MALL: variants seen among roughly 807,000 people sequenced by gnomAD.
The protein encoded by MALL is MAL-like protein.
Under a neutral mutation model 10.3 loss-of-function variants are expected in MALL, and 2 were observed. That is an observed-to-expected ratio of 0.19 (90% CI 0.08 to 0.61). The LOEUF (loss-of-function observed/expected upper bound fraction) is 0.61. Ranked by LOEUF, MALL falls within the 20% of genes least tolerant of loss-of-function variation. The probability of loss-of-function intolerance (pLI) is 0.88; values close to 1 mark genes in which losing one functional copy is unlikely to be tolerated. For missense variants in MALL, 39 were observed against 115.2 expected (o/e 0.34, Z 3.03); for synonymous variants, 27 against 51.8 (o/e 0.52, Z 2.05).
At chr2:110,108,504 A>AT (rs1478244722) in intron 1 of MALL, among the ~76,000 whole-genome samples, 1 of 151,660 alleles carries the variant, frequency 6.6e-6, no homozygotes, top group Admixed American at 6.6e-5. Flanking sequence ...AAAAAAAAAA[A>AT]GAAAATATGA....
intron 1 of MALL, among the ~76,000 whole-genome samples, chr2:110,112,965 G>C (rs916450526): frequency 1.3e-5 from 2 of 151,532 alleles, no homozygotes; most frequent in African/African-American, 4.8e-5. Context: ...CATTCGCACT[G>C]ACCTGGATGA....
intron 1 of MALL, among the ~76,000 whole-genome samples, chr2:110,100,786 G>A (rs1433386326): frequency 6.6e-6 from 1 of 152,128 alleles, no homozygotes; most frequent in Non-Finnish European, 1.5e-5. Flanking sequence ...CCCATCCCAG[G>A]GCCTGAGGGG....
chr2:110,108,135 A>G (rs1262327457), intron 1 of MALL, among the ~76,000 whole-genome samples: 2 of 151,998 alleles, frequency 1.3e-5, no homozygotes, highest in African/African-American at 4.8e-5. Flanking sequence ...GATCTTCAAT[A>G]CCCCCCAAAA....
upstream of MALL, chr2:110,116,018 A>G (rs192031252): frequency 4.4e-3 from 1,696 of 387,536 alleles, 10 homozygotes; most frequent in Non-Finnish European, 5.8e-3. Flanking sequence ...GCGCTGGTGC[A>G]GGAGGGAGCA....
rs747470788 is a variant in MALL, at chr2:110,112,029, C to T, written c.105+3659G>A. On this transcript the variant is annotated intron_variant, in intron 1 of 3. Transcript: ENST00000272462. ...TGGTGCTGGGATAATTGGCTACCCACATGTAGGGGATTGAAACTGGATCCT... is the reference window on the plus strand; with the variant it reads ...TGGTGCTGGGATAATTGGCTACCCATATGTAGGGGATTGAAACTGGATCCT... Among the ~76,000 whole-genome samples, 22 of 152,222 alleles carry T rather than the reference C, an allele frequency of 1.4e-4. 1 individual carries two copies. Among genetic ancestry groups the T allele is most frequent in the Non-Finnish European group, 1.0e-4 (7 of 67,986 alleles).
chr2:110,099,540 ATGC>A (rs1355262943), intron 1 of MALL, among the ~76,000 whole-genome samples: 1 of 152,126 alleles, frequency 6.6e-6, no homozygotes, highest in Admixed American at 6.5e-5. Flanking sequence ...GTTACAAATG[ATGC>A]TGCAGCGAAT....
chr2:110,105,697 T>C (rs1678671992), intron 1 of MALL, among the ~76,000 whole-genome samples: 1 of 152,176 alleles, frequency 6.6e-6, no homozygotes, highest in Non-Finnish European at 1.5e-5. Context: ...GGGAGATGAT[T>C]TCTCCTCCTG....
chr2:110,114,855 C>T (rs77237756), intron 1 of MALL, among the ~76,000 whole-genome samples: 2,612 of 152,116 alleles, frequency 0.017, 51 homozygotes, highest in Non-Finnish European at 0.024. Context: ...AGAAAACACT[C>T]CTTTGCCTTG....
chr2:110,102,494 GTC>G (rs1439976860), intron 1 of MALL, among the ~76,000 whole-genome samples: 1 of 152,188 alleles, frequency 6.6e-6, no homozygotes, highest in Non-Finnish European at 1.5e-5. Flanking sequence ...CTTGGTACAT[GTC>G]ACTGACTCAC....
upstream of MALL, among the ~76,000 whole-genome samples, chr2:110,117,000 T>C (rs575712955): frequency 8.9e-4 from 136 of 152,286 alleles, 2 homozygotes; most frequent in Non-Finnish European, 1.7e-3. Flanking sequence ...GGCCTTTGCC[T>C]GGTCTGGGGA....
intron 1 of MALL, among the ~76,000 whole-genome samples, chr2:110,113,815 AG>A (rs1678855474): frequency 6.6e-6 from 1 of 152,160 alleles, no homozygotes; most frequent in Non-Finnish European, 1.5e-5. Context: ...TGATTTCAAG[AG>A]TTGTACCACG....
At chr2:110,106,449 A>T (rs1471004428) in intron 1 of MALL, among the ~76,000 whole-genome samples, 1 of 152,186 alleles carries the variant, frequency 6.6e-6, no homozygotes, top group Non-Finnish European at 1.5e-5. Flanking sequence ...GAGAAAATAA[A>T]TGGATGTCTG....
chr2:110,100,614 C>T (rs1559030753), intron 1 of MALL, among the ~76,000 whole-genome samples: 2 of 152,270 alleles, frequency 1.3e-5, no homozygotes, highest in Admixed American at 6.5e-5. Flanking sequence ...TACCAGGTTG[C>T]GATGGAAATC....
At chr2:110,117,084 C>G (rs1478531974), upstream of MALL, among the ~76,000 whole-genome samples, 2 of 152,130 alleles carry the variant, frequency 1.3e-5, no homozygotes, top group Non-Finnish European at 2.9e-5. Context: ...AATGAACCCC[C>G]CAGTGGATCT....
At chr2:110,105,777 G>T (rs737182) in intron 1 of MALL, among the ~76,000 whole-genome samples, 1 of 151,942 alleles carries the variant, frequency 6.6e-6, no homozygotes, top group Non-Finnish European at 1.5e-5. Flanking sequence ...GGCCTAAGAG[G>T]AGCCCTAATT....
chr2:110,109,426 T>C (rs1050200566), intron 1 of MALL, among the ~76,000 whole-genome samples: 5 of 152,150 alleles, frequency 3.3e-5, no homozygotes, highest in African/African-American at 1.2e-4. Context: ...AAAACAAACT[T>C]TAAAGCATTA....
chr2:110,114,869 G>C (rs1678874757), intron 1 of MALL, among the ~76,000 whole-genome samples: 1 of 151,994 alleles, frequency 6.6e-6, no homozygotes, highest in African/African-American at 2.4e-5. Context: ...TGCCTTGATT[G>C]GACCCCAGGC....
chr2:110,095,099 G>C (rs1164400530), intron 1 of MALL, among the ~76,000 whole-genome samples: 1 of 150,780 alleles, frequency 6.6e-6, no homozygotes, highest in Non-Finnish European at 1.5e-5. Context: ...GGCTGCAGGT[G>C]GATTGAAACC....
intron 1 of MALL, chr2:110,097,650 C>T (rs763985576): frequency 4.7e-6 from 2 of 426,708 alleles, no homozygotes; most frequent in Non-Finnish European, 9.5e-6. Flanking sequence ...GGTCTCAGGT[C>T]TGTGTGGCCA....
Sources: gnomAD v4.1 joint callset for allele counts (sites outside exome capture counted in the v4.1 genomes callset) on GRCh38, gnomAD v4.1.1 for gene constraint, MANE v1.5 for transcripts, NCBI Gene and HGNC (gene_info 2026-07-23, HGNC 2026-07-21) for gene names.